RBM20: variants seen among roughly 807,000 people sequenced by gnomAD.
The protein encoded by RBM20 is RNA-binding protein 20.
A neutral mutation model predicts 110.1 loss-of-function variants in RBM20; 51 were observed. The ratio of observed to expected loss-of-function variants is 0.46; its 90% CI spans 0.37 to 0.59. The LOEUF (loss-of-function observed/expected upper bound fraction) is 0.59. Ranked by LOEUF, RBM20 falls within the 20% of genes least tolerant of loss-of-function variation. The pLI, the probability that RBM20 is intolerant of heterozygous loss-of-function variation, is 0.00. For missense variants in RBM20, 1,512 were observed against 1,574.9 expected (o/e 0.96, Z 0.68); for synonymous variants, 589 against 618.2 (o/e 0.95, Z 0.70).
In RBM20 at chr10:110,661,976, A is replaced by G. The variant is rs542351848; in HGVS notation, c.191+17331A>G. Among the ~76,000 whole-genome samples, 1,096 of 150,422 alleles carry G rather than the reference A, an allele frequency of 7.3e-3. 11 individuals carry two copies. Among genetic ancestry groups the G allele is most frequent in the African/African-American group, 0.025 (1,004 of 40,786 alleles). On this transcript the variant is annotated intron_variant, in intron 1 of 13. Coordinates refer to ENST00000369519, the MANE Select transcript of RBM20 (RefSeq NM_001134363.3). The stretch of plus-strand genomic sequence containing the variant: ...CAGTGAGCTGAGATCATGCCATTGC[A>G]CTCCAGCCTGGGTGACAGAGCAAGA...
chr10:110,659,056 A>G (rs770950391), intron 1 of RBM20, among the ~76,000 whole-genome samples: 2 of 152,210 alleles, frequency 1.3e-5, no homozygotes, highest in Non-Finnish European at 2.9e-5. Context: ...AGCCCCTGGC[A>G]CATAGTGTGT....
intron 1 of RBM20, among the ~76,000 whole-genome samples, chr10:110,724,992 G>A (rs1843546006): frequency 6.6e-6 from 1 of 152,176 alleles, no homozygotes; most frequent in Admixed American, 6.5e-5. Context: ...CGTGTGGATT[G>A]CCAAGTTACT....
intron 1 of RBM20, among the ~76,000 whole-genome samples, chr10:110,707,306 G>A (rs1481193892): frequency 6.6e-6 from 1 of 152,110 alleles, no homozygotes; most frequent in African/African-American, 2.4e-5. Flanking sequence ...TTTTATTTTT[G>A]CTAACCTGAT....
At chr10:110,796,357 C>T (rs535192521) in intron 5 of RBM20, among the ~76,000 whole-genome samples, 52 of 152,316 alleles carry the variant, frequency 3.4e-4, no homozygotes, top group African/African-American at 1.1e-3. Context: ...TACCCATCAC[C>T]CAATTCCAAT....
chr10:110,650,801 G>A (rs1861935450), intron 1 of RBM20, among the ~76,000 whole-genome samples: 1 of 152,110 alleles, frequency 6.6e-6, no homozygotes, highest in African/African-American at 2.4e-5. Flanking sequence ...GTTTTGTTAG[G>A]CCTGCCCTTC....
At chr10:110,655,745 C>G (rs192852289) in intron 1 of RBM20, among the ~76,000 whole-genome samples, 1 of 152,290 alleles carries the variant, frequency 6.6e-6, no homozygotes, top group African/African-American at 2.4e-5. Flanking sequence ...CCAGACTGAA[C>G]AGAATCCATA....
At chr10:110,686,625 TA>T (rs199814165) in intron 1 of RBM20, among the ~76,000 whole-genome samples, 21 of 150,988 alleles carry the variant, frequency 1.4e-4, no homozygotes, top group African/African-American at 3.6e-4. Context: ...ATGCTGTCTC[TA>T]AAAAAAAATA....
chr10:110,660,494 G>C (rs572689858), intron 1 of RBM20, among the ~76,000 whole-genome samples: 19 of 152,250 alleles, frequency 1.2e-4, no homozygotes, highest in Non-Finnish European at 2.4e-4. Context: ...AGCGGTGGGC[G>C]AGCAAGCGAA....
intron 1 of RBM20, among the ~76,000 whole-genome samples, chr10:110,687,042 G>GAAA (rs566369908): frequency 8.7e-6 from 1 of 114,976 alleles, no homozygotes; most frequent in African/African-American, 3.3e-5. Flanking sequence ...GTCTCAAAAA[G>GAAA]AAAAAAAAAA....
chr10:110,740,242 A>G (rs1272008247), intron 1 of RBM20, among the ~76,000 whole-genome samples: 1 of 152,140 alleles, frequency 6.6e-6, no homozygotes, highest in Non-Finnish European at 1.5e-5. Context: ...GAGGTGGAGT[A>G]ATGTTGACCT....
At chr10:110,714,298 T>C (rs149581136) in intron 1 of RBM20, among the ~76,000 whole-genome samples, 3 of 152,238 alleles carry the variant, frequency 2.0e-5, no homozygotes, top group Non-Finnish European at 4.4e-5. Flanking sequence ...TGGAGGTCAA[T>C]GAAAAGGTTG....
At chr10:110,828,588 AT>A (rs1845010519) in intron 12 of RBM20, among the ~76,000 whole-genome samples, 1 of 152,220 alleles carries the variant, frequency 6.6e-6, no homozygotes, top group Non-Finnish European at 1.5e-5. Context: ...GTGATGAAAT[AT>A]TTAACACGTG....
At chr10:110,752,940 TATATA>T (rs199581724) in intron 1 of RBM20, among the ~76,000 whole-genome samples, 109 of 86,880 alleles carry the variant, frequency 1.3e-3, no homozygotes, top group African/African-American at 2.7e-3. Flanking sequence ...TATATATATA[TATATA>T]TTTTTTTTTT....
chr10:110,778,020 A>G (rs925104401), intron 1 of RBM20, among the ~76,000 whole-genome samples: 1 of 152,226 alleles, frequency 6.6e-6, no homozygotes, highest in African/African-American at 2.4e-5. Flanking sequence ...ACTCTTGACC[A>G]TCCATTCTCC....
chr10:110,833,137 T>C (rs1845077560), intron 13 of RBM20, among the ~76,000 whole-genome samples: 1 of 151,944 alleles, frequency 6.6e-6, no homozygotes, highest in African/African-American at 2.4e-5. Context: ...ACACCTGTAA[T>C]CCCAGCACTT....
At chr10:110,778,424 G>A (rs1350367751) in intron 1 of RBM20, among the ~76,000 whole-genome samples, 2 of 152,188 alleles carry the variant, frequency 1.3e-5, no homozygotes, top group African/African-American at 4.8e-5. Context: ...AGACAGTGTG[G>A]CAACCCATGT....
intron 1 of RBM20, among the ~76,000 whole-genome samples, chr10:110,664,439 A>G (rs957148682): frequency 1.3e-5 from 2 of 152,208 alleles, no homozygotes; most frequent in African/African-American, 4.8e-5. Context: ...TGCAAAATCT[A>G]TAAGTTAAAA....
intron 1 of RBM20, among the ~76,000 whole-genome samples, chr10:110,758,408 A>G (rs533219770): frequency 6.6e-6 from 1 of 152,318 alleles, no homozygotes; most frequent in South Asian, 2.1e-4. Flanking sequence ...TGATAAAGAT[A>G]GGATAAGGGA....
intron 1 of RBM20, among the ~76,000 whole-genome samples, chr10:110,674,773 T>C (rs1022943292): frequency 2.0e-5 from 3 of 152,270 alleles, no homozygotes; most frequent in African/African-American, 7.2e-5. Context: ...TTGATTTCAT[T>C]CTGCACTCTT....
Sources: gnomAD v4.1 joint callset for allele counts (sites outside exome capture counted in the v4.1 genomes callset) on GRCh38, gnomAD v4.1.1 for gene constraint, MANE v1.5 for transcripts, NCBI Gene and HGNC (gene_info 2026-07-23, HGNC 2026-07-21) for gene names.